Variants in SLC2A3 observed in about 807,000 individuals in gnomAD.
SLC2A3 encodes the protein solute carrier family 2 member 3.
A neutral mutation model predicts 46.4 loss-of-function variants in SLC2A3; 21 were observed. The ratio of observed to expected loss-of-function variants is 0.45; its 90% CI spans 0.32 to 0.65. The LOEUF (loss-of-function observed/expected upper bound fraction) is 0.65, where lower values mean the gene tolerates loss of function less well. Among genes scored for constraint, SLC2A3 ranks in the 30% least tolerant of loss-of-function variants. The pLI is 0.04. For missense variants in SLC2A3, 499 were observed against 623.3 expected (o/e 0.80, Z 2.12); for synonymous variants, 213 against 239.4 (o/e 0.89, Z 1.02).
intron 1 of SLC2A3, 110 bp from the exon 2 acceptor site, chr12:7,934,012 G>A: frequency 1.0e-6 from 1 of 988,434 alleles, no homozygotes; most frequent in East Asian, 2.5e-5. Context: ...TGAGTGGTAT[G>A]AAAAGAACAT....
chr12:7,931,530 G>T (rs1239753125), intron 3 of SLC2A3, 45 bp from the exon 4 acceptor site: 19 of 1,611,004 alleles, frequency 1.2e-5, no homozygotes, highest in Non-Finnish European at 1.6e-5. Context: ...AAAGTGAGAG[G>T]CTCCTAACTT....
chr12:7,927,772 T>G (rs1946110578), intron 6 of SLC2A3, among the ~76,000 whole-genome samples: 2 of 152,102 alleles, frequency 1.3e-5, no homozygotes, highest in Admixed American at 1.3e-4. Flanking sequence ...GGGAGCCAGC[T>G]TAGTCCAACA....
rs1167125153 is a variant in SLC2A3, at chr12:7,932,000, G to A, written c.270-515C>T. Among the ~76,000 whole-genome samples the A allele has an allele frequency of 9.9e-5, 15 of 151,156 alleles. No individual in the cohort carries two copies. In the East Asian group the frequency reaches 2.7e-3, roughly 28 times the overall value. ...AGGCTCAAGAGATTCTCCTGCCTCA[G>A]CTTCCAAGCAGCTGGGATTGCAGGC... On this transcript the variant is annotated intron_variant, in intron 3 of 9. Transcript: ENST00000075120.
At chr12:7,925,541 ATTG>A (rs1325434783) in intron 7 of SLC2A3, 1 of 245,864 alleles carries the variant, frequency 4.1e-6, no homozygotes, top group Non-Finnish European at 8.0e-6. Context: ...TCTGTTGATT[ATTG>A]TTGTTTTAGT....
intron 4 of SLC2A3, 100 bp from the exon 5 acceptor site, chr12:7,930,742 T>C (rs1010622744): frequency 1.4e-5 from 18 of 1,282,712 alleles, no homozygotes; most frequent in Admixed American, 2.6e-5. Flanking sequence ...TCTTTTACCA[T>C]GTGAAAAAAT....
At chr12:7,935,459 A>C (rs1234883899) in intron 1 of SLC2A3, among the ~76,000 whole-genome samples, 1 of 152,160 alleles carries the variant, frequency 6.6e-6, no homozygotes, top group Non-Finnish European at 1.5e-5. Context: ...TCAGAAAAAA[A>C]AGAAAAGCCT....
chr12:7,923,076 T>C (rs758317489), intron 8 of SLC2A3, 52 bp from the exon 9 acceptor site: 1 of 1,507,052 alleles, frequency 6.6e-7, no homozygotes, highest in South Asian at 1.2e-5. Context: ...TGTAACCTAG[T>C]ATCTAGGTTC....
At position 7,931,491 on chromosome 12, in the gene SLC2A3, A is replaced by G. The variant is rs551513186; in HGVS notation, c.270-6T>C. On this transcript the variant is annotated splice_polypyrimidine_tract_variant and splice_region_variant and intron_variant, in intron 3 of 9. Transcript: ENST00000075120. ...CAATCAGCATTGAATTGCGCCTGTA[A>G]GGTTAATCAAAGACAAAGTAGAATT... 5.7e-5 allele frequency: 92 copies of G among 1,613,996 alleles called. No homozygotes were observed. The African/African-American group carries it at 1.1e-3, about 19-fold the overall frequency.
chr12:7,927,901 T>C (rs971216577), intron 6 of SLC2A3, among the ~76,000 whole-genome samples: 1 of 151,904 alleles, frequency 6.6e-6, no homozygotes, highest in African/African-American at 2.4e-5. Flanking sequence ...CTGGCCAACA[T>C]GGTGATATCC....
At chr12:7,926,122 G>A (rs1450220866) in intron 6 of SLC2A3, among the ~76,000 whole-genome samples, 174 bp from the exon 7 acceptor site, 1 of 152,070 alleles carries the variant, frequency 6.6e-6, no homozygotes, top group African/African-American at 2.4e-5. Context: ...CTCCTAGTCT[G>A]GATCTGTCAC....
Position 7,922,983 on chromosome 12 carries a change from G to A in SLC2A3, c.1110C>T (p.Ile370=). Residue 370 remains isoleucine (I), a synonymous_variant, in exon 9 of 10, where the codon ATC becomes ATT. Transcript: ENST00000075120. The part of the protein sequence containing the change: ...NGMSFVCIGA[I]LVFVAFFEIG... ...TTTCAAAGAAGGCTACAAAGACCAAGATAGCCCCAATACAGACAAAGCTCA... is the reference window on the plus strand; with the variant it reads ...TTTCAAAGAAGGCTACAAAGACCAAAATAGCCCCAATACAGACAAAGCTCA... 1 of 1,614,022 alleles carries A rather than the reference G, an allele frequency of 6.2e-7. No homozygotes were observed. Among genetic ancestry groups the A allele is most frequent in the Non-Finnish European group, 8.5e-7 (1 of 1,179,990 alleles).
intron 6 of SLC2A3, among the ~76,000 whole-genome samples, chr12:7,926,960 CCT>C (rs1434118973): frequency 6.6e-6 from 1 of 152,094 alleles, no homozygotes; most frequent in Non-Finnish European, 1.5e-5. Context: ...TGGACTCAGA[CCT>C]CAAGTTAACA....
At chr12:7,935,669 G>T (rs1370753131) in intron 1 of SLC2A3, among the ~76,000 whole-genome samples, 1 of 152,042 alleles carries the variant, frequency 6.6e-6, no homozygotes, top group Non-Finnish European at 1.5e-5. Context: ...TGCTTCCAGA[G>T]AAGTCTTCAC....
chr12:7,926,784 T>A (rs780757589), intron 6 of SLC2A3, among the ~76,000 whole-genome samples: 9 of 152,154 alleles, frequency 5.9e-5, no homozygotes, highest in Non-Finnish European at 1.2e-4. Context: ...TAAGCAGAGG[T>A]TGGGCTGTAT....
intron 9 of SLC2A3, 93 bp from the exon 10 acceptor site, chr12:7,921,724 A>C: frequency 7.5e-7 from 1 of 1,326,160 alleles, no homozygotes. Flanking sequence ...AATAGGCTTC[A>C]AGCTATAACC....
intron 6 of SLC2A3, among the ~76,000 whole-genome samples, chr12:7,927,424 A>T (rs1031371176): frequency 6.6e-6 from 1 of 152,106 alleles, no homozygotes; most frequent in African/African-American, 2.4e-5. Flanking sequence ...AAAATTTCTC[A>T]TAGTAAAATG....
chr12:7,936,145 C>G lies in SLC2A3; in HGVS notation c.-111G>C. The G allele has an allele frequency of 1.1e-6, 1 of 888,804 alleles. No homozygotes were observed. 55.1% of individuals were successfully genotyped at this position (888,804 alleles called of 1,614,324 possible). ...CCTTCTCAGCAGCAAGTTTTCTCCA[C>G]GTCCTCAGGAAGGATCCAAAGTCTT... On this transcript the variant is annotated 5_prime_UTR_variant, in exon 1 of 10. Transcript: ENST00000075120.
At chr12:7,927,828 C>G (rs1289833011) in intron 6 of SLC2A3, among the ~76,000 whole-genome samples, 2 of 152,016 alleles carry the variant, frequency 1.3e-5, no homozygotes, top group East Asian at 1.9e-4. Context: ...CCTGTAAGGC[C>G]GGCACTTTAG....
In SLC2A3 at chr12:7,921,090, T is replaced by TATCC. The variant is rs1946032204; in HGVS notation, c.*319_*322dup. The TATCC allele has an allele frequency of 1.8e-6, 1 of 544,198 alleles. No individual in the cohort carries two copies. Among genetic ancestry groups the TATCC allele is most frequent in the South Asian group, 1.6e-5 (1 of 64,012 alleles). 33.7% of individuals were successfully genotyped at this position (544,198 alleles called of 1,614,324 possible). On this transcript the variant is annotated 3_prime_UTR_variant, in exon 10 of 10. Coordinates refer to ENST00000075120, the MANE Select transcript of SLC2A3 (RefSeq NM_006931.3). The stretch of plus-strand genomic sequence containing the variant: ...ACTGCACCTTACTTTTCCTCTCCTA[T>TATCC]ATCCCCTAGTGCGGCAATATCAGAA...
Sources: gnomAD v4.1 joint callset for allele counts (sites outside exome capture counted in the v4.1 genomes callset) on GRCh38, gnomAD v4.1.1 for gene constraint, MANE v1.5 for transcripts, NCBI Gene and HGNC (gene_info 2026-07-23, HGNC 2026-07-21) for gene names.